SLC20A2: variants seen among roughly 807,000 people sequenced by gnomAD.
The protein encoded by SLC20A2 is solute carrier family 20 member 2.
A neutral mutation model predicts 61.0 loss-of-function variants in SLC20A2; 30 were observed. That is an observed-to-expected ratio of 0.49 (90% confidence interval 0.37 to 0.67). SLC20A2 has a LOEUF of 0.67. Ranked by LOEUF, SLC20A2 falls within the 30% of genes least tolerant of loss-of-function variation. The pLI is 0.00. For missense variants in SLC20A2, 626 were observed against 866.4 expected, an observed-to-expected ratio of 0.72 and a Z score of 3.48; for synonymous variants, 351 against 353.3, an observed-to-expected ratio of 0.99 and a Z score of 0.07.
Position 42,420,529 on chromosome 8 carries a change from G to C in SLC20A2, c.1795-2562C>G, listed in dbSNP as rs190087286. On this transcript the variant is annotated intron_variant, in intron 10 of 10. Coordinates refer to ENST00000520262, the MANE Select transcript of SLC20A2 (RefSeq NM_001257180.2). Reference sequence around the variant, plus strand: ...CATCAGATTTATGTTCATGTATTTTGAGAGTGGTCTAATTTTGTTTTTCTA... The same window carrying C: ...CATCAGATTTATGTTCATGTATTTTCAGAGTGGTCTAATTTTGTTTTTCTA... Among the ~76,000 whole-genome samples, 73 of 151,972 alleles carry C rather than the reference G, an allele frequency of 4.8e-4. 1 individual carries two copies. In the East Asian group the frequency reaches 0.011, roughly 24 times the overall value.
At chr8:42,487,399 G>A (rs1463917956) in intron 1 of SLC20A2, among the ~76,000 whole-genome samples, 6 of 150,784 alleles carry the variant, frequency 4.0e-5, no homozygotes, top group South Asian at 4.2e-4. Context: ...GGATGGTCTC[G>A]ATCTCCTGAC....
chr8:42,419,008 C>CAAAAAAA (rs778981433), intron 10 of SLC20A2, among the ~76,000 whole-genome samples: 31 of 64,194 alleles, frequency 4.8e-4, no homozygotes, highest in African/African-American at 1.8e-3. Context: ...GACTCTGTCT[C>CAAAAAAA]AAAAAAAAAA....
chr8:42,491,670 CAA>C (rs955300438), intron 1 of SLC20A2, among the ~76,000 whole-genome samples: 63 of 142,538 alleles, frequency 4.4e-4, no homozygotes, highest in Non-Finnish European at 7.9e-4. Flanking sequence ...GACTCCATCT[CAA>C]AAAAAAAAAA....
chr8:42,531,394 T>C (rs1469271255), intron 1 of SLC20A2, among the ~76,000 whole-genome samples: 1 of 152,184 alleles, frequency 6.6e-6, no homozygotes, highest in Admixed American at 6.5e-5. Context: ...TCAACCCCTC[T>C]TTGTAGGGCT....
At chr8:42,451,470 TAAAG>T (rs1044027651) in intron 5 of SLC20A2, among the ~76,000 whole-genome samples, 6 of 105,426 alleles carry the variant, frequency 5.7e-5, no homozygotes, top group African/African-American at 1.9e-4. Flanking sequence ...GAGGAAGAGA[TAAAG>T]AGGAGGAGGA....
At chr8:42,430,303 A>C in intron 8 of SLC20A2, 54 bp from the exon 9 acceptor site, 1 of 1,443,614 alleles carries the variant, frequency 6.9e-7, no homozygotes, top group Non-Finnish European at 9.4e-7. Context: ...GGCAATGTAC[A>C]TGATACAGGT....
intron 1 of SLC20A2, among the ~76,000 whole-genome samples, chr8:42,498,787 GGATGTGATCACT>G (rs144292129): frequency 0.013 from 1,993 of 152,218 alleles, 20 homozygotes; most frequent in Non-Finnish European, 0.022. Context: ...AACATTCTAG[GGATGTGATCACT>G]GAGCATCCGG....
intron 8 of SLC20A2, among the ~76,000 whole-genome samples, chr8:42,433,045 A>G (rs761193032): frequency 2.0e-5 from 3 of 152,172 alleles, no homozygotes; most frequent in Non-Finnish European, 4.4e-5. Flanking sequence ...CACCTATATA[A>G]TCTATTCATG....
chr8:42,537,854 G>C (rs1272547887), intron 1 of SLC20A2: 2 of 152,154 alleles, frequency 1.3e-5, no homozygotes, highest in Non-Finnish European at 2.9e-5. Context: ...GTAGTGCTTA[G>C]ATGTCCCTTC....
intron 1 of SLC20A2, among the ~76,000 whole-genome samples, chr8:42,528,068 C>A (rs1189085319): frequency 1.3e-5 from 2 of 152,164 alleles, no homozygotes; most frequent in East Asian, 3.9e-4. Flanking sequence ...GCTCTTAACA[C>A]TGAACCTCAT....
At chr8:42,466,395 A>T (rs1009393641) in intron 2 of SLC20A2, among the ~76,000 whole-genome samples, 1 of 152,144 alleles carries the variant, frequency 6.6e-6, no homozygotes, top group Admixed American at 6.5e-5. Flanking sequence ...CAGATTATGC[A>T]TTTAAAGGCA....
chr8:42,455,223 TAAAAA>T (rs1167685475), intron 5 of SLC20A2, among the ~76,000 whole-genome samples: 11 of 49,862 alleles, frequency 2.2e-4, no homozygotes, highest in African/African-American at 9.3e-4. Flanking sequence ...AGACTCCGTC[TAAAAA>T]AAAAAAAAAA....
intron 1 of SLC20A2, among the ~76,000 whole-genome samples, chr8:42,520,908 A>C (rs992070871): frequency 1.6e-5 from 2 of 121,574 alleles, no homozygotes; most frequent in African/African-American, 5.1e-5. Flanking sequence ...TACAGTATAC[A>C]TAAGACAGGG....
chr8:42,524,281 T>C (rs1017424922), intron 1 of SLC20A2, among the ~76,000 whole-genome samples: 2 of 152,216 alleles, frequency 1.3e-5, no homozygotes, highest in Non-Finnish European at 2.9e-5. Context: ...TTTTTCCTTT[T>C]GAATATACTG....
At chr8:42,454,445 G>A (rs775227859) in intron 5 of SLC20A2, among the ~76,000 whole-genome samples, 5 of 152,096 alleles carry the variant, frequency 3.3e-5, no homozygotes, top group South Asian at 4.1e-4. Context: ...TCCCTCGAAC[G>A]GAGATGCTAC....
rs1319041926 is a variant in SLC20A2, at chr8:42,472,790, C to G, written c.-264-136G>C. On this transcript the variant is annotated intron_variant, in intron 1 of 10. Transcript: ENST00000520262. This position sits in a 1 kb window ranked among gnomAD's most constrained non-coding sequence, Gnocchi z 4.1. ...TGACGGACCTAACCATAAAGCAATTCAAGGAAGATTATAATTAGGATAACC... is the reference window on the plus strand; with the variant it reads ...TGACGGACCTAACCATAAAGCAATTGAAGGAAGATTATAATTAGGATAACC... 6.2e-6 allele frequency: 1 copy of G among 162,572 alleles called. No individual in the cohort carries two copies. Among genetic ancestry groups the G allele is most frequent in the African/African-American group, 2.4e-5 (1 of 41,562 alleles). The allele number at this position is 162,572 out of a possible 1,614,324, so 10.1% of individuals were successfully genotyped here.
intron 8 of SLC20A2, among the ~76,000 whole-genome samples, chr8:42,436,547 C>T (rs554231378): frequency 7.2e-5 from 11 of 152,322 alleles, no homozygotes; most frequent in African/African-American, 2.6e-4. Context: ...CACAGCTCCA[C>T]GGCTCCCCTC....
intron 1 of SLC20A2, among the ~76,000 whole-genome samples, chr8:42,488,994 C>T (rs1428020351): frequency 1.6e-5 from 2 of 126,620 alleles, no homozygotes; most frequent in Non-Finnish European, 3.1e-5. Flanking sequence ...GGCTGGAATG[C>T]AATGGTGCAG....
At chr8:42,434,852 CATG>C (rs1804126283) in intron 8 of SLC20A2, among the ~76,000 whole-genome samples, 3 of 152,148 alleles carry the variant, frequency 2.0e-5, no homozygotes, top group South Asian at 4.1e-4. Flanking sequence ...TGAAATGAAA[CATG>C]GTGTGTGTGT....
Sources: allele counts gnomAD v4.1 joint callset (sites outside exome capture counted in the v4.1 genomes callset), GRCh38; gene constraint gnomAD v4.1.1; non-coding constraint Gnocchi (gnomAD v3.1); transcripts MANE v1.5; gene names NCBI Gene and HGNC (gene_info 2026-07-23, HGNC 2026-07-21).